Variants in CD2AP observed in about 807,000 individuals in gnomAD.
CD2AP encodes CD2 associated protein, also known as CD2-associated protein.
Under a neutral mutation model 85.1 loss-of-function variants are expected in CD2AP, and 46 were observed. The observed-to-expected ratio is 0.54, with a 90% confidence interval of 0.43 to 0.69. The LOEUF (loss-of-function observed/expected upper bound fraction) is 0.69, where lower values mean the gene tolerates loss of function less well. Among genes scored for constraint, CD2AP ranks in the 30% least tolerant of loss-of-function variants. CD2AP has a pLI of 0.00. For synonymous variants in CD2AP, 255 were observed against 252.9 expected (o/e 1.01, Z -0.08); for missense variants, 769 against 729.5 (o/e 1.05, Z -0.62).
Position 47,595,903 on chromosome 6 carries a change from C to T in CD2AP, c.1151C>T (p.Ala384Val). Reference protein sequence around the residue: ...TLEQKPSKPAAPQVPPKKPTP... With the variant: ...TLEQKPSKPAVPQVPPKKPTP... ...GAACAGAAACCTTCTAAACCAGCAG[C>T]TCCACAAGTCCCACCCAAGAAACCT... The change falls in exon 12 of 18, where the codon GCT (alanine) becomes GTT (valine). Residue 384 changes from alanine to valine, a missense_variant. By Grantham distance (64) the Ala-to-Val change is moderately conservative (BLOSUM62 0). Coordinates refer to ENST00000359314, the MANE Select transcript of CD2AP (RefSeq NM_012120.3). The T allele has an allele frequency of 1.2e-6, 2 of 1,612,806 alleles. No homozygotes were observed. Among genetic ancestry groups the T allele is most frequent in the African/African-American group, 1.3e-5 (1 of 74,958 alleles).
Position 47,591,690 on chromosome 6 carries a change from C to T in CD2AP, c.1109-4171C>T, listed in dbSNP as rs539247086. Among the ~76,000 whole-genome samples, 26 of 152,126 alleles carry T rather than the reference C, an allele frequency of 1.7e-4. No individual in the cohort carries two copies. In the South Asian group the frequency reaches 2.1e-3, roughly 12 times the overall value. The stretch of plus-strand genomic sequence containing the variant: ...AATTAATAAATGGGTTAACTTATTA[C>T]GTACAGTGTTGGTAATGTATTGCTA... On this transcript the variant is annotated intron_variant, in intron 11 of 17. Transcript: ENST00000359314.
At chr6:47,512,153 G>A (rs965826801) in intron 2 of CD2AP, among the ~76,000 whole-genome samples, 39 of 151,354 alleles carry the variant, frequency 2.6e-4, no homozygotes, top group South Asian at 1.3e-3. Context: ...GCGAGACTCC[G>A]TCTGAAAAAA....
chr6:47,543,185 AG>A (rs1431669996), intron 3 of CD2AP, among the ~76,000 whole-genome samples: 463 of 79,392 alleles, frequency 5.8e-3, no homozygotes, highest in African/African-American at 0.013. Context: ...AAAAGAAAAA[AG>A]AAAAAAAAGA....
chr6:47,496,434 T>G (rs1765859595), intron 1 of CD2AP, among the ~76,000 whole-genome samples: 1 of 152,180 alleles, frequency 6.6e-6, no homozygotes, highest in Non-Finnish European at 1.5e-5. Context: ...TGAATAAGTT[T>G]AAAAGAGCAG....
Position 47,608,890 on chromosome 6 carries a change from C to T in CD2AP, c.1633-233C>T, listed in dbSNP as rs574095203. 4.6e-5 allele frequency among the ~76,000 whole-genome samples: 7 copies of T among 152,178 alleles called. No individual in the cohort carries two copies. The South Asian group carries it at 1.2e-3, about 27-fold the overall frequency. On this transcript the variant is annotated intron_variant, in intron 15 of 17. Coordinates refer to ENST00000359314, the MANE Select transcript of CD2AP (RefSeq NM_012120.3). ...TACATTTGATGGATTTTTCTTTCTTCCTTTTTTCTTCTGTTAATAAAATTG... is the reference window on the plus strand; with the variant it reads ...TACATTTGATGGATTTTTCTTTCTTTCTTTTTTCTTCTGTTAATAAAATTG...
At chr6:47,559,287 T>C (rs1767784768) in intron 5 of CD2AP, among the ~76,000 whole-genome samples, 2 of 151,200 alleles carry the variant, frequency 1.3e-5, no homozygotes, top group Non-Finnish European at 2.9e-5. Flanking sequence ...ACAGGCAGGG[T>C]TTCACTTTGT....
chr6:47,521,683 G>T (rs1406042760), intron 2 of CD2AP, among the ~76,000 whole-genome samples: 1 of 152,114 alleles, frequency 6.6e-6, no homozygotes, highest in Non-Finnish European at 1.5e-5. Context: ...AATAAACGTA[G>T]TTGATACCCT....
chr6:47,578,953 G>A (rs1049898157), intron 8 of CD2AP, among the ~76,000 whole-genome samples: 5 of 152,036 alleles, frequency 3.3e-5, no homozygotes, highest in African/African-American at 1.2e-4. Context: ...CACCGTACCC[G>A]GCCTCATTTT....
At chr6:47,510,956 C>G (rs1053252988) in intron 2 of CD2AP, among the ~76,000 whole-genome samples, 1 of 151,332 alleles carries the variant, frequency 6.6e-6, no homozygotes, top group African/African-American at 2.4e-5. Flanking sequence ...GCCTGTAGTC[C>G]CAGCTACTCA....
At chr6:47,539,752 C>T (rs891909356) in intron 3 of CD2AP, among the ~76,000 whole-genome samples, 1 of 152,060 alleles carries the variant, frequency 6.6e-6, no homozygotes, top group African/African-American at 2.4e-5. Context: ...TGCAGTATGT[C>T]CCCGCCTTTG....
intron 16 of CD2AP, chr6:47,609,527 A>AG (rs1554183680): frequency 4.4e-5 from 16 of 366,572 alleles, no homozygotes; most frequent in African/African-American, 2.2e-4. Context: ...AAAAAAAAAA[A>AG]AAAAGAAAAG....
intron 11 of CD2AP, among the ~76,000 whole-genome samples, chr6:47,594,428 T>TC (rs1302373053): frequency 6.6e-6 from 1 of 152,074 alleles, no homozygotes; most frequent in Non-Finnish European, 1.5e-5. Flanking sequence ...TTCCATGTAT[T>TC]CTTTTTTTTA....
intron 2 of CD2AP, among the ~76,000 whole-genome samples, chr6:47,511,789 T>C (rs1766318216): frequency 1.3e-5 from 2 of 152,188 alleles, no homozygotes; most frequent in Admixed American, 1.3e-4. Context: ...TCACTGTCCA[T>C]TTGAAAATAA....
At chr6:47,586,134 T>C (rs987183845) in intron 11 of CD2AP, among the ~76,000 whole-genome samples, 2 of 152,186 alleles carry the variant, frequency 1.3e-5, no homozygotes, top group South Asian at 2.1e-4. Flanking sequence ...AGAAGGCAAG[T>C]ACATTAAAAC....
chr6:47,600,179 A>C (rs111838028), intron 13 of CD2AP, among the ~76,000 whole-genome samples: 294 of 152,006 alleles, frequency 1.9e-3, no homozygotes, highest in African/African-American at 6.9e-3. Context: ...TAACTCTAGG[A>C]AGCAGATGCT....
At chr6:47,591,155 G>A (rs558618523) in intron 11 of CD2AP, among the ~76,000 whole-genome samples, 1 of 152,292 alleles carries the variant, frequency 6.6e-6, no homozygotes, top group East Asian at 1.9e-4. Flanking sequence ...GCTACACACA[G>A]CAAAATGAAT....
In CD2AP at chr6:47,582,444, C is replaced by T. The variant is rs533667236; in HGVS notation, c.1108+379C>T. On this transcript the variant is annotated intron_variant, in intron 11 of 17. Transcript: ENST00000359314. ...TAATTAATTACATATTATTTAATCT[C>T]ACTGCATGTGTTTGTCATAATGTAA... 4.6e-5 allele frequency among the ~76,000 whole-genome samples: 7 copies of T among 152,278 alleles called. No homozygotes were observed. The South Asian group carries it at 1.5e-3, about 32-fold the overall frequency.
chr6:47,527,843 T>G (rs1355491726), intron 2 of CD2AP, among the ~76,000 whole-genome samples: 1 of 152,154 alleles, frequency 6.6e-6, no homozygotes, highest in African/African-American at 2.4e-5. Flanking sequence ...CTACCCAGAG[T>G]TACATGGGAG....
At chr6:47,574,992 CTG>C (rs1445707208) in intron 6 of CD2AP, among the ~76,000 whole-genome samples, 16 of 152,232 alleles carry the variant, frequency 1.1e-4, no homozygotes, top group Admixed American at 6.5e-4. Flanking sequence ...CATTTAAAGA[CTG>C]TGTTTTGGTT....
Sources: allele counts gnomAD v4.1 joint callset (sites outside exome capture counted in the v4.1 genomes callset), GRCh38; gene constraint gnomAD v4.1.1; transcripts MANE v1.5; gene names NCBI Gene and HGNC (gene_info 2026-07-23, HGNC 2026-07-21).